The following EIF2S3 variants were observed in gnomAD, a reference collection of about 807,000 sequenced individuals.
EIF2S3 encodes the protein eukaryotic translation initiation factor 2 subunit gamma.
A neutral mutation model predicts 31.7 loss-of-function variants in EIF2S3; 2 were observed. The observed-to-expected ratio is 0.06, with a 90% CI of 0.03 to 0.20. The LOEUF (loss-of-function observed/expected upper bound fraction) is 0.20, where lower values mean the gene tolerates loss of function less well. Among genes scored for constraint, EIF2S3 ranks in the 10% least tolerant of loss-of-function variants. The pLI is 1.00. For synonymous variants in EIF2S3, 120 were observed against 126.7 expected, an observed-to-expected ratio of 0.95 and a Z score of 0.36; for missense variants, 96 against 359.3, an observed-to-expected ratio of 0.27 and a Z score of 5.92.
intron 4 of EIF2S3, among the ~76,000 whole-genome samples, chrX:24,059,517 G>C (rs922899907): frequency 9.1e-6 from 1 of 109,742 alleles, no homozygotes; most frequent in Admixed American, 9.8e-5. Context: ...CCACCTCCTG[G>C]GTTCAAGCGA....
In EIF2S3 at chrX:24,066,322, A is replaced by G. The variant is rs757371275; in HGVS notation, c.867+230A>G. ...TTCTAGACCTCTGAATCCACAATCT[A>G]CCTTCATGAGATCCACCTTTTTAGC... On this transcript the variant is annotated intron_variant, in intron 8 of 11. Transcript: ENST00000253039. Among the ~76,000 whole-genome samples, 4 of 109,346 alleles carry G rather than the reference A, an allele frequency of 3.7e-5. No homozygotes were observed. The South Asian group carries it at 1.5e-3, about 42-fold the overall frequency. 95.0% of individuals were successfully genotyped at this position (109,346 alleles called of 115,157 possible).
rs1930795864 is a variant in EIF2S3 at position 24,078,729 on chromosome X, A to G, written c.*1944A>G. ...CTAAATTGATGTTTTGAGGAAGCAT[A>G]TTAATGTTATAAACTTCGCTGACTT... On this transcript the variant is annotated 3_prime_UTR_variant, in exon 12 of 12. Coordinates refer to ENST00000253039, the MANE Select transcript of EIF2S3 (RefSeq NM_001415.4). Among the ~76,000 whole-genome samples the G allele has an allele frequency of 8.9e-6, 1 of 112,254 alleles. No homozygotes were observed. Among genetic ancestry groups the G allele is most frequent in the South Asian group, 3.6e-4 (1 of 2,751 alleles).
intron 2 of EIF2S3, among the ~76,000 whole-genome samples, chrX:24,057,046 A>ATTTG (rs1930414515): frequency 9.0e-6 from 1 of 111,686 alleles, no homozygotes; most frequent in Non-Finnish European, 1.9e-5. Context: ...TTATTTATTT[A>ATTTG]TTTGCGACGG....
intron 10 of EIF2S3, among the ~76,000 whole-genome samples, chrX:24,072,721 T>A (rs1930691345): frequency 9.0e-6 from 1 of 111,387 alleles, no homozygotes; most frequent in Non-Finnish European, 1.9e-5. Context: ...TTCCTCGGCC[T>A]CCCAATGTGC....
At chrX:24,067,864 A>G (rs1389644954) in intron 8 of EIF2S3, 100 bp from the exon 9 acceptor site, 4 of 962,703 alleles carry the variant, frequency 4.2e-6, no homozygotes, top group Non-Finnish European at 4.2e-6. Flanking sequence ...CTAGGATTAC[A>G]CATGTGAGCC....
chrX:24,074,862 C>CTTTTTTTTTTTTTTTTTTTTTTTTTTTTT (rs758813480), intron 11 of EIF2S3, among the ~76,000 whole-genome samples: 9 of 47,463 alleles, frequency 1.9e-4, no homozygotes, highest in Admixed American at 4.2e-4. Flanking sequence ...TTTTCTTCTT[C>CTTTTTTTTTTTTTTTTTTTTTTTTTTTTT]TTTTTTTTTT....
At chrX:24,063,483 G>A (rs920902221) in intron 6 of EIF2S3, among the ~76,000 whole-genome samples, 3 of 111,549 alleles carry the variant, frequency 2.7e-5, no homozygotes, top group Non-Finnish European at 5.6e-5. Flanking sequence ...TAATCAATAC[G>A]TAGCAAATAT....
At position 24,060,118 on chromosome X, in the gene EIF2S3, C is replaced by T. The variant is rs1007411676; in HGVS notation, c.414C>T (p.His138=). 9 of 1,209,404 alleles carry T rather than the reference C, an allele frequency of 7.4e-6. No homozygotes were observed. Among genetic ancestry groups the T allele is most frequent in the African/African-American group, 1.7e-5 (1 of 57,380 alleles). ...TTTCCTTTGTTGACTGTCCTGGCCA[C>T]GATATTTTGATGGCTACTATGCTGA... The part of the protein sequence containing the change: ...RHVSFVDCPG[H]DILMATMLNG... The change falls in exon 5 of 12, where the codon CAC becomes CAT. Residue 138 remains histidine, a synonymous_variant. Coordinates refer to ENST00000253039, the MANE Select transcript of EIF2S3 (RefSeq NM_001415.4).
chrX:24,074,969 A>G (rs1297881507), intron 11 of EIF2S3, among the ~76,000 whole-genome samples: 2 of 97,640 alleles, frequency 2.0e-5, no homozygotes, highest in Admixed American at 2.6e-4. Context: ...GGTTCAAGCA[A>G]TTCTCCTGCC....
intron 8 of EIF2S3, among the ~76,000 whole-genome samples, chrX:24,067,503 T>TTC (rs1930596164): frequency 9.2e-6 from 1 of 108,162 alleles, no homozygotes; most frequent in Non-Finnish European, 1.9e-5. Context: ...CTTTTTTTTT[T>TTC]TTTTTTTTTA....
At chrX:24,072,360 C>T (rs1407223573) in intron 10 of EIF2S3, among the ~76,000 whole-genome samples, 3 of 111,540 alleles carry the variant, frequency 2.7e-5, no homozygotes, top group African/African-American at 3.3e-5. Context: ...TCTCGACTCA[C>T]AGCAGCCTCG....
At chrX:24,067,444 G>A (rs1259650987) in intron 8 of EIF2S3, among the ~76,000 whole-genome samples, 7 of 107,880 alleles carry the variant, frequency 6.5e-5, no homozygotes, top group Non-Finnish European at 1.3e-4. Flanking sequence ...TGTGTGGTGG[G>A]TAGTTAACAA....
At position 24,057,536 on chromosome X, in the gene EIF2S3, T is replaced by C. The variant is rs758073633; in HGVS notation, c.249T>C (p.Tyr83=). The change falls in exon 3 of 12, where the codon TAT becomes TAC. Residue 83 remains tyrosine (Y), a synonymous_variant. Transcript: ENST00000253039. ...LERNITIKLG[Y]ANAKIYKLDD... ...GAAATATTACAATCAAGCTTGGATATGCTAATGCTAAGGTAAGCTGTGTAC... is the reference window on the plus strand; with the variant it reads ...GAAATATTACAATCAAGCTTGGATACGCTAATGCTAAGGTAAGCTGTGTAC... 8.3e-7 allele frequency: 1 copy of C among 1,208,563 alleles called. No individual in the cohort carries two copies. Among genetic ancestry groups the C allele is most frequent in the East Asian group, 3.0e-5 (1 of 33,851 alleles).
chrX:24,068,787 A>G (rs1363978533), intron 9 of EIF2S3, among the ~76,000 whole-genome samples: 9 of 111,534 alleles, frequency 8.1e-5, no homozygotes, highest in Non-Finnish European at 1.7e-4. Context: ...AAAATTACCT[A>G]CAAATGTCAG....
chrX:24,062,002 G>T (rs894449769), intron 5 of EIF2S3, among the ~76,000 whole-genome samples: 1 of 111,394 alleles, frequency 9.0e-6, no homozygotes, highest in Non-Finnish European at 1.9e-5. Context: ...ATGAAGCAGG[G>T]CCAAAAGGTG....
At chrX:24,055,487 G>T in intron 1 of EIF2S3, 128 bp from the exon 2 acceptor site, 1 of 646,155 alleles carries the variant, frequency 1.5e-6, no homozygotes. Context: ...TTACTGATAG[G>T]GAAAAGGAGC....
In EIF2S3 at chrX:24,076,297, C is replaced by T. The variant is rs756467507; in HGVS notation, c.1356-425C>T. Among the ~76,000 whole-genome samples the T allele has an allele frequency of 9.0e-5, 10 of 111,145 alleles. No individual in the cohort carries two copies. The East Asian group carries it at 1.7e-3, about 19-fold the overall frequency. On this transcript the variant is annotated intron_variant, in intron 11 of 11. Coordinates refer to ENST00000253039, the MANE Select transcript of EIF2S3 (RefSeq NM_001415.4). ...CTGTAAGCCCAGCACTTTGTGAGGCCGAGGTGGGCGGATCACTTGAGGCCA... is the reference window on the plus strand; with the variant it reads ...CTGTAAGCCCAGCACTTTGTGAGGCTGAGGTGGGCGGATCACTTGAGGCCA...
intron 3 of EIF2S3, 37 bp downstream of exon 3, chrX:24,057,585 A>G (rs1930422937): frequency 8.3e-7 from 1 of 1,206,656 alleles, no homozygotes. Flanking sequence ...ACTAACTTTA[A>G]TTGTTGTGCA....
intron 10 of EIF2S3, 135 bp downstream of exon 10, chrX:24,071,862 A>T: frequency 1.4e-6 from 1 of 719,962 alleles, no homozygotes; most frequent in Non-Finnish European, 2.0e-6. Context: ...TGACCTCCCC[A>T]AAATTGAGGG....
Sources: gnomAD v4.1 joint callset for allele counts (sites outside exome capture counted in the v4.1 genomes callset) on GRCh38, gnomAD v4.1.1 for gene constraint, MANE v1.5 for transcripts, NCBI Gene and HGNC (gene_info 2026-07-23, HGNC 2026-07-21) for gene names.